Variants in PLLP observed in about 807,000 individuals in gnomAD.
The protein encoded by PLLP is plasmolipin, also known as plasma membrane proteolipid (plasmolipin).
A neutral mutation model predicts 19.7 loss-of-function variants in PLLP; 15 were observed. The ratio of observed to expected loss-of-function variants is 0.76; its 90% CI spans 0.51 to 1.17. The LOEUF (loss-of-function observed/expected upper bound fraction) is 1.17, where lower values mean the gene tolerates loss of function less well. Ranked by LOEUF, PLLP falls within the 50% of genes most tolerant of loss-of-function variation. The probability of loss-of-function intolerance (pLI) is 0.00; values close to 1 mark genes in which losing one functional copy is unlikely to be tolerated. For synonymous variants in PLLP, 111 were observed against 116.3 expected, an observed-to-expected ratio of 0.95 and a Z score of 0.29; for missense variants, 255 against 258.3, an observed-to-expected ratio of 0.99 and a Z score of 0.09.
chr16:57,269,969 A>T (rs915765844), intron 1 of PLLP, among the ~76,000 whole-genome samples: 2 of 152,054 alleles, frequency 1.3e-5, no homozygotes, highest in African/African-American at 4.8e-5. Flanking sequence ...GGGTTTCACC[A>T]TGTTGCCCGG....
intron 1 of PLLP, among the ~76,000 whole-genome samples, chr16:57,279,980 G>A (rs967838555): frequency 6.6e-6 from 1 of 152,262 alleles, no homozygotes; most frequent in African/African-American, 2.4e-5. Context: ...CATTCACACA[G>A]CTTCCACATC....
chr16:57,258,839 T>C (rs1257622776), intron 2 of PLLP, among the ~76,000 whole-genome samples: 3 of 140,636 alleles, frequency 2.1e-5, no homozygotes, highest in East Asian at 4.3e-4. Flanking sequence ...GAAGATCACC[T>C]GGAGCCGGGA....
rs1177428666 is a variant in PLLP, at chr16:57,256,425, G to A, written c.*488C>T. 9.3e-6 allele frequency: 2 copies of A among 214,168 alleles called. No homozygotes were observed. Among genetic ancestry groups the A allele is most frequent in the African/African-American group, 2.3e-5 (1 of 43,984 alleles). 13.3% of individuals were successfully genotyped at this position (214,168 alleles called of 1,614,324 possible). A position where few individuals can be genotyped will look rare whatever the true frequency, so the allele number is the denominator to read the frequency against. On this transcript the variant is annotated 3_prime_UTR_variant, in exon 4 of 4. Coordinates refer to ENST00000219207, the MANE Select transcript of PLLP (RefSeq NM_015993.3). Reference sequence around the variant, plus strand: ...ACTTTTTACAGGTTGGCTCCAGGGAGAGGTTGGTTGAAACGGTGTTTAAAG... The same window carrying A: ...ACTTTTTACAGGTTGGCTCCAGGGAAAGGTTGGTTGAAACGGTGTTTAAAG...
rs773846779 is a variant in PLLP, at chr16:57,284,541, G to C, written c.-1C>G. On this transcript the variant is annotated 5_prime_UTR_variant, in exon 1 of 4. Transcript: ENST00000219207. ...TAACTTTCGACGGGAACTCGGCCAT[G>C]GCGGCTCCGCTTGCCTCCCGAGGTC... 1.5e-6 allele frequency: 2 copies of C among 1,358,846 alleles called. No individual in the cohort carries two copies. Among genetic ancestry groups the C allele is most frequent in the East Asian group, 5.6e-5 (2 of 35,646 alleles). 84.2% of individuals were successfully genotyped at this position (1,358,846 alleles called of 1,614,324 possible). A position where few individuals can be genotyped will look rare whatever the true frequency, so the allele number is the denominator to read the frequency against.
intron 2 of PLLP, among the ~76,000 whole-genome samples, chr16:57,259,049 C>T (rs1567528667): frequency 6.6e-6 from 1 of 152,120 alleles, no homozygotes; most frequent in African/African-American, 2.4e-5. Context: ...CCAACAGGGC[C>T]TCAAGAGGCC....
intron 1 of PLLP, among the ~76,000 whole-genome samples, chr16:57,279,185 C>T (rs549942316): frequency 4.6e-5 from 7 of 152,134 alleles, no homozygotes; most frequent in Non-Finnish European, 1.0e-4. Flanking sequence ...ATCTGACAGA[C>T]AAGGAAGTGA....
chr16:57,272,598 C>T (rs116610927), intron 1 of PLLP, among the ~76,000 whole-genome samples: 23 of 152,318 alleles, frequency 1.5e-4, no homozygotes, highest in African/African-American at 4.8e-4. Flanking sequence ...GTTCTACACC[C>T]AATGCTGGCA....
intron 1 of PLLP, among the ~76,000 whole-genome samples, chr16:57,279,361 C>G (rs1324130700): frequency 1.4e-5 from 2 of 140,578 alleles, no homozygotes; most frequent in African/African-American, 6.3e-5. Context: ...TCTTCTTCTT[C>G]CTTTTTTTTT....
intron 1 of PLLP, among the ~76,000 whole-genome samples, chr16:57,262,423 G>A (rs1410550142): frequency 6.6e-6 from 1 of 152,142 alleles, no homozygotes; most frequent in Non-Finnish European, 1.5e-5. Context: ...ATGGTGGCGT[G>A]TGCCTGTAAT....
intron 3 of PLLP, among the ~76,000 whole-genome samples, chr16:57,258,061 AAAAATAC>A (rs1340930148): frequency 6.6e-6 from 1 of 151,990 alleles, no homozygotes; most frequent in Non-Finnish European, 1.5e-5. Flanking sequence ...CATCTCCAAA[AAAAATAC>A]AAAATACAAA....
At chr16:57,263,918 G>A (rs1448529789) in intron 1 of PLLP, among the ~76,000 whole-genome samples, 4 of 152,224 alleles carry the variant, frequency 2.6e-5, no homozygotes, top group Admixed American at 2.6e-4. Context: ...AGGCTGCGTA[G>A]TGACCTTGCC....
chr16:57,272,974 G>T (rs1196255605), intron 1 of PLLP, among the ~76,000 whole-genome samples: 1 of 150,870 alleles, frequency 6.6e-6, no homozygotes, highest in Non-Finnish European at 1.5e-5. Flanking sequence ...AGTTGGGGGT[G>T]GGGGTCCAGG....
At chr16:57,261,148 T>C (rs1330415507) in intron 2 of PLLP, among the ~76,000 whole-genome samples, 1 of 150,636 alleles carries the variant, frequency 6.6e-6, no homozygotes, top group Non-Finnish European at 1.5e-5. Context: ...CCACCACACC[T>C]GGCTAATTGT....
At chr16:57,275,668 G>C (rs553833235) in intron 1 of PLLP, among the ~76,000 whole-genome samples, 1 of 105,910 alleles carries the variant, frequency 9.4e-6, no homozygotes, top group African/African-American at 3.4e-5. Context: ...AAAACACCAT[G>C]AGAGGGGGAA....
At chr16:57,259,742 C>T (rs1484397109) in intron 2 of PLLP, among the ~76,000 whole-genome samples, 2 of 152,018 alleles carry the variant, frequency 1.3e-5, no homozygotes, top group East Asian at 1.9e-4. Flanking sequence ...TTTGGGATGC[C>T]GAGGCAGGCA....
chr16:57,269,960 G>A (rs140332381), intron 1 of PLLP, among the ~76,000 whole-genome samples: 205 of 152,116 alleles, frequency 1.3e-3, no homozygotes, highest in African/African-American at 4.6e-3. Context: ...GTATAGACAG[G>A]GTTTCACCAT....
intron 1 of PLLP, among the ~76,000 whole-genome samples, chr16:57,279,136 C>T (rs1284009214): frequency 6.6e-6 from 1 of 152,146 alleles, no homozygotes; most frequent in Non-Finnish European, 1.5e-5. Flanking sequence ...TAGTGCTAGG[C>T]TAGCTCTTTG....
At position 57,284,639 on chromosome 16, in the gene PLLP, T is replaced by C; in HGVS notation, c.-99A>G. ...CGCCGCTTTTCCCCCAGGCTCCGGATCCCTGTGTGGCTCCAGGCGCTGCAG... is the reference window on the plus strand; with the variant it reads ...CGCCGCTTTTCCCCCAGGCTCCGGACCCCTGTGTGGCTCCAGGCGCTGCAG... On this transcript the variant is annotated 5_prime_UTR_variant, in exon 1 of 4. Coordinates refer to ENST00000219207, the MANE Select transcript of PLLP (RefSeq NM_015993.3). The C allele has an allele frequency of 2.0e-5, 23 of 1,156,260 alleles. No homozygotes were observed. The highest frequency in any genetic ancestry group is 2.5e-5 in the Non-Finnish European group (23 of 907,082). The allele number at this position is 1,156,260 out of a possible 1,614,324, so 71.6% of individuals were successfully genotyped here.
In PLLP at chr16:57,260,269, T is replaced by C. The variant is rs112907207; in HGVS notation, c.309+1628A>G. Among the ~76,000 whole-genome samples the C allele has an allele frequency of 1.4e-4, 21 of 152,234 alleles. 1 individual carries two copies. Among genetic ancestry groups the C allele is most frequent in the African/African-American group, 5.1e-4 (21 of 41,542 alleles). On this transcript the variant is annotated intron_variant, in intron 2 of 3. Transcript: ENST00000219207. ...GAGGGTCCAGAAGCACAAGAAGCAA[T>C]GTCCTGCCACTGTGGCAGAAGGGAG...
Sources: allele counts gnomAD v4.1 joint callset (sites outside exome capture counted in the v4.1 genomes callset), GRCh38; gene constraint gnomAD v4.1.1; transcripts MANE v1.5; gene names NCBI Gene and HGNC (gene_info 2026-07-23, HGNC 2026-07-21).